MAN2A1: variants seen among roughly 807,000 people sequenced by gnomAD.
MAN2A1 encodes the protein alpha-mannosidase 2.
Under a neutral mutation model 142.6 loss-of-function variants are expected in MAN2A1, and 76 were observed. The observed-to-expected ratio is 0.53, with a 90% CI of 0.44 to 0.65. MAN2A1 has a LOEUF of 0.65. Among genes scored for constraint, MAN2A1 ranks in the 30% least tolerant of loss-of-function variants. The pLI, the probability that MAN2A1 is intolerant of heterozygous loss-of-function variation, is 0.00. For synonymous variants in MAN2A1, 559 were observed against 473.2 expected (o/e 1.18, Z -2.35); for missense variants, 1,311 against 1,365.1 (o/e 0.96, Z 0.62).
At chr5:109,755,844 G>T (rs1232518771) in intron 5 of MAN2A1, among the ~76,000 whole-genome samples, 1 of 151,964 alleles carries the variant, frequency 6.6e-6, no homozygotes, top group Non-Finnish European at 1.5e-5. Flanking sequence ...GTAGCTTCAG[G>T]TATTGCTGTA....
Position 109,834,506 on chromosome 5 carries a change from T to C in MAN2A1, c.2567-7822T>C, listed in dbSNP as rs1406390454. Reference sequence around the variant, plus strand: ...TATTATGTCTTCTTCAAGTATATCATAGTTTATTGGTATAATCTTTACCCA... The same window carrying C: ...TATTATGTCTTCTTCAAGTATATCACAGTTTATTGGTATAATCTTTACCCA... On this transcript the variant is annotated intron_variant, in intron 16 of 21. Coordinates refer to ENST00000261483, the MANE Select transcript of MAN2A1 (RefSeq NM_002372.4). Among the ~76,000 whole-genome samples the C allele has an allele frequency of 3.3e-5, 5 of 152,198 alleles. 1 individual carries two copies. The highest frequency in any genetic ancestry group is 2.0e-4 in the Admixed American group (3 of 15,274).
rs926150580 is a variant in MAN2A1 at position 109,869,406 on chromosome 5, A to T, written c.*2408A>T. ...ATACTGATTAAAATAAAATGCTGTAAAATGTGATGTAAAACATTATCATGA... is the reference window on the plus strand; with the variant it reads ...ATACTGATTAAAATAAAATGCTGTATAATGTGATGTAAAACATTATCATGA... On this transcript the variant is annotated 3_prime_UTR_variant, in exon 22 of 22. Coordinates refer to ENST00000261483, the MANE Select transcript of MAN2A1 (RefSeq NM_002372.4). The T allele has an allele frequency of 5.9e-5, 9 of 152,308 alleles. No homozygotes were observed. Among genetic ancestry groups the T allele is most frequent in the Non-Finnish European group, 1.3e-4 (9 of 68,032 alleles). The allele number at this position is 152,308 out of a possible 1,614,324, so 9.4% of individuals were successfully genotyped here. A position where few individuals can be genotyped will look rare whatever the true frequency, so the allele number is the denominator to read the frequency against.
chr5:109,832,161 C>CTGTTTTT (rs1754924794), intron 16 of MAN2A1, among the ~76,000 whole-genome samples: 1 of 51,226 alleles, frequency 2.0e-5, no homozygotes, highest in Non-Finnish European at 3.7e-5. Flanking sequence ...AAGGAGTTTT[C>CTGTTTTT]TTTTTTTTTT....
chr5:109,844,283 T>C (rs1447681575), intron 17 of MAN2A1, among the ~76,000 whole-genome samples: 1 of 152,246 alleles, frequency 6.6e-6, no homozygotes, highest in Admixed American at 6.5e-5. Context: ...ATATTTCTGC[T>C]TTTAAAATTG....
intron 10 of MAN2A1, among the ~76,000 whole-genome samples, chr5:109,786,813 TGGC>T (rs1006410316): frequency 3.9e-5 from 6 of 152,146 alleles, no homozygotes; most frequent in Admixed American, 3.9e-4. Context: ...GGGGTGCATT[TGGC>T]TGCGAGTAAT....
At chr5:109,758,643 T>C (rs1752755553) in intron 5 of MAN2A1, among the ~76,000 whole-genome samples, 2 of 149,466 alleles carry the variant, frequency 1.3e-5, no homozygotes, top group South Asian at 4.2e-4. Flanking sequence ...CTTACATTTA[T>C]GTCAGTGATT....
chr5:109,770,809 A>G (rs923574775), intron 7 of MAN2A1, among the ~76,000 whole-genome samples: 2 of 152,094 alleles, frequency 1.3e-5, no homozygotes, highest in African/African-American at 2.4e-5. Context: ...CTTTGCCCTC[A>G]TTATAAAAGC....
intron 4 of MAN2A1, among the ~76,000 whole-genome samples, chr5:109,737,158 G>A (rs1476921297): frequency 6.9e-6 from 1 of 145,066 alleles, no homozygotes; most frequent in African/African-American, 2.6e-5. Context: ...CACTGGTGTG[G>A]TCTCAGCTCA....
chr5:109,696,885 A>G (rs1272877372), intron 1 of MAN2A1, among the ~76,000 whole-genome samples: 1 of 152,244 alleles, frequency 6.6e-6, no homozygotes, highest in Non-Finnish European at 1.5e-5. Context: ...CCTGAAATTC[A>G]CTTACACATT....
Position 109,713,533 on chromosome 5 carries a change from T to C in MAN2A1, c.149T>C (p.Met50Thr). The change falls in exon 2 of 22, where the codon ATG becomes ACG. Residue 50 changes from methionine (M) to threonine (T), a missense_variant. Around this residue, in one of 3 missense-constraint regions of MAN2A1, gnomAD observed 409 missense variants for 412.7 expected, o/e 0.99. Coordinates refer to ENST00000261483, the MANE Select transcript of MAN2A1 (RefSeq NM_002372.4). ...TTTTTATTGTAGGGCCAGCTCTCAA[T>C]GTTGCAAGAAAAAATAGACCATTTG... Reference protein sequence around the residue: ...EGSFPQGQLSMLQEKIDHLER... With the variant: ...EGSFPQGQLSTLQEKIDHLER... 1 of 1,607,642 alleles carries C rather than the reference T, an allele frequency of 6.2e-7. No individual in the cohort carries two copies. The highest frequency in any genetic ancestry group is 8.5e-7 in the Non-Finnish European group (1 of 1,175,034).
intron 16 of MAN2A1, among the ~76,000 whole-genome samples, chr5:109,841,186 A>C (rs190174960): frequency 6.6e-6 from 1 of 152,098 alleles, no homozygotes; most frequent in Non-Finnish European, 1.5e-5. Flanking sequence ...TACAGGTGGT[A>C]TTTGGTTACA....
intron 1 of MAN2A1, among the ~76,000 whole-genome samples, chr5:109,710,933 G>A (rs1017915146): frequency 5.3e-5 from 8 of 152,062 alleles, no homozygotes; most frequent in Admixed American, 1.3e-4. Flanking sequence ...CAGGTGATCC[G>A]CCCGCTTCGG....
chr5:109,783,734 C>T (rs1753521554), intron 9 of MAN2A1, among the ~76,000 whole-genome samples: 1 of 131,776 alleles, frequency 7.6e-6, no homozygotes, highest in Non-Finnish European at 1.6e-5. Flanking sequence ...CAAGCCATGT[C>T]TCCTTTTAAA....
intron 14 of MAN2A1, 118 bp downstream of exon 14, chr5:109,820,005 G>T (rs1412504815): frequency 5.9e-6 from 5 of 849,492 alleles, no homozygotes; most frequent in Non-Finnish European, 9.1e-6. Flanking sequence ...AAATACTCTT[G>T]AGTAAAAGGA....
At chr5:109,704,390 A>G (rs1751071928) in intron 1 of MAN2A1, among the ~76,000 whole-genome samples, 1 of 152,232 alleles carries the variant, frequency 6.6e-6, no homozygotes, top group South Asian at 2.1e-4. Flanking sequence ...CTTTGAATGG[A>G]CAAGTGGCTG....
intron 8 of MAN2A1, 60 bp downstream of exon 8, chr5:109,775,025 C>T: frequency 8.7e-7 from 1 of 1,154,308 alleles, no homozygotes; most frequent in Non-Finnish European, 1.2e-6. Flanking sequence ...TTAAATGAGA[C>T]TATAAACAGA....
At chr5:109,715,458 C>A (rs1385939943) in intron 2 of MAN2A1, among the ~76,000 whole-genome samples, 1 of 151,810 alleles carries the variant, frequency 6.6e-6, no homozygotes, top group Non-Finnish European at 1.5e-5. Context: ...TTTTCCTTTG[C>A]ATCCCAACAT....
In MAN2A1 at chr5:109,817,300, A is replaced by G. The variant is rs1255121617; in HGVS notation, c.1971A>G (p.Glu657=). The G allele has an allele frequency of 2.5e-6, 4 of 1,614,160 alleles. No individual in the cohort carries two copies. The East Asian group carries it at 8.9e-5, about 36-fold the overall frequency. The change falls in exon 13 of 22, where the codon GAA becomes GAG. Residue 657 remains glutamate (E), a synonymous_variant. Transcript: ENST00000261483. ...PRYLVVYNPL[E]QDRISLVSVY... Reference sequence around the variant, plus strand: ...ACCTTGTGGTCTATAATCCTTTAGAACAAGACCGAATCTCGTTGGTCTCAG... The same window carrying G: ...ACCTTGTGGTCTATAATCCTTTAGAGCAAGACCGAATCTCGTTGGTCTCAG...
chr5:109,783,867 G>A (rs1236141269), intron 9 of MAN2A1, among the ~76,000 whole-genome samples: 1 of 151,842 alleles, frequency 6.6e-6, no homozygotes, highest in Non-Finnish European at 1.5e-5. Context: ...ATACTACAAA[G>A]GACATTTTTT....
Sources: gnomAD v4.1 joint callset for allele counts (sites outside exome capture counted in the v4.1 genomes callset) on GRCh38, gnomAD v4.1.1 for gene constraint, gnomAD v4.1.1 regional missense constraint, MANE v1.5 for transcripts, NCBI Gene and HGNC (gene_info 2026-07-23, HGNC 2026-07-21) for gene names.